Variants in AP2A2 observed in about 807,000 individuals in gnomAD.
The protein encoded by AP2A2 is adaptor related protein complex 2 subunit alpha 2, also known as AP-2 complex subunit alpha-2.
In AP2A2, 32 loss-of-function variants were observed where a neutral mutation model predicts 104.2. That is an observed-to-expected ratio of 0.31 (90% confidence interval 0.23 to 0.41). The LOEUF is 0.41. Ranked by LOEUF, AP2A2 falls within the 10% of genes least tolerant of loss-of-function variation. AP2A2 has a pLI of 1.00. For synonymous variants in AP2A2, 539 were observed against 533.3 expected (o/e 1.01, Z -0.15); for missense variants, 912 against 1,261.0 (o/e 0.72, Z 4.19).
chr11:983,117 AAGCGATTCTCCTACCTC>A (rs766738887), intron 6 of AP2A2, among the ~76,000 whole-genome samples: 83 of 142,446 alleles, frequency 5.8e-4, no homozygotes, highest in Non-Finnish European at 1.1e-3. Flanking sequence ...GCTTGTGTTC[AAGCGATTCTCCTACCTC>A]AGCCTCCCGA....
chr11:953,689 G>A (rs1036802002), intron 1 of AP2A2, among the ~76,000 whole-genome samples: 9 of 151,916 alleles, frequency 5.9e-5, no homozygotes, highest in Non-Finnish European at 8.8e-5. Flanking sequence ...CTTTTGCGTC[G>A]TCTCTGCTCA....
chr11:986,402 C>T (rs945123425), intron 8 of AP2A2, among the ~76,000 whole-genome samples: 7 of 152,372 alleles, frequency 4.6e-5, no homozygotes, highest in Non-Finnish European at 5.9e-5. Flanking sequence ...GCAGCAGCCG[C>T]GCTCCCGGCC....
At position 985,081 on chromosome 11, in the gene AP2A2, T is replaced by G. The variant is rs1445804087; in HGVS notation, c.814+328T>G. 2.0e-5 allele frequency among the ~76,000 whole-genome samples: 3 copies of G among 152,288 alleles called. No homozygotes were observed. The East Asian group carries it at 5.8e-4, about 29-fold the overall frequency. ...TCACTGCAACCTCTGCCTCCCGGGT[T>G]CAAGCGATTCTCCCACCTCATCTTC... is the stretch of plus-strand genomic sequence containing the variant. On this transcript the variant is annotated intron_variant, in intron 7 of 21. Coordinates refer to ENST00000448903, the MANE Select transcript of AP2A2 (RefSeq NM_012305.4).
At chr11:995,337 A>G (rs982888978) in intron 14 of AP2A2, 2 of 455,830 alleles carry the variant, frequency 4.4e-6, no homozygotes, top group East Asian at 6.9e-5. Context: ...GGTATTTGTC[A>G]GGTGAGAAGT....
intron 1 of AP2A2, among the ~76,000 whole-genome samples, chr11:936,710 C>CGTTGTG (rs1853470554): frequency 2.0e-5 from 3 of 152,154 alleles, no homozygotes; most frequent in Admixed American, 6.5e-5. Flanking sequence ...AGATGCTTGA[C>CGTTGTG]GTTGTGAATT....
At chr11:967,049 C>T (rs1232521056) in intron 2 of AP2A2, among the ~76,000 whole-genome samples, 4 of 152,018 alleles carry the variant, frequency 2.6e-5, no homozygotes, top group Admixed American at 6.6e-5. Context: ...TGCCTGTAAT[C>T]CCAGCTACTC....
intron 4 of AP2A2, among the ~76,000 whole-genome samples, chr11:972,880 T>G (rs1462342406): frequency 2.0e-5 from 3 of 152,268 alleles, no homozygotes; most frequent in Non-Finnish European, 4.4e-5. Flanking sequence ...TCGTGCCCGT[T>G]CCCCAGGGCT....
chr11:994,724 G>T (rs1445799764), intron 14 of AP2A2, among the ~76,000 whole-genome samples: 16 of 144,776 alleles, frequency 1.1e-4, no homozygotes, highest in Admixed American at 1.1e-3. Flanking sequence ...TGTCCCGGGG[G>T]CCACTGTCCC....
Position 992,346 on chromosome 11 carries a change from C to G in AP2A2, c.1270-157C>G, listed in dbSNP as rs1332646012. 3 of 753,164 alleles carry G rather than the reference C, an allele frequency of 4.0e-6. No homozygotes were observed. The highest frequency in any genetic ancestry group is 1.7e-5 in the South Asian group (1 of 58,040). The allele number at this position is 753,164 out of a possible 1,614,324, so 46.7% of individuals were successfully genotyped here. On this transcript the variant is annotated intron_variant, in intron 10 of 21. Coordinates refer to ENST00000448903, the MANE Select transcript of AP2A2 (RefSeq NM_012305.4). This position sits in a 1 kb window ranked among gnomAD's most constrained non-coding sequence, Gnocchi z 6.4. ...ATCTTAAACTTTCTGGGCTCGTGGG[C>G]TTTTTTGAGAATCGAGTTCAAGCTT...
chr11:1,007,928 C>A, intron 17 of AP2A2, 84 bp from the exon 18 acceptor site: 1 of 1,544,072 alleles, frequency 6.5e-7, no homozygotes. Flanking sequence ...TGCTCGCCTC[C>A]ACGGGTCCTG....
chr11:978,748 C>T (rs1260080960), intron 5 of AP2A2, among the ~76,000 whole-genome samples: 1 of 152,232 alleles, frequency 6.6e-6, no homozygotes, highest in East Asian at 1.9e-4. Flanking sequence ...CAGGAGCCCC[C>T]AAGAAAGGTG....
intron 1 of AP2A2, among the ~76,000 whole-genome samples, chr11:930,863 T>C (rs1226519113): frequency 6.6e-6 from 1 of 152,158 alleles, no homozygotes; most frequent in East Asian, 1.9e-4. Context: ...CTACAGGACA[T>C]ATTCAACACC....
intron 2 of AP2A2, among the ~76,000 whole-genome samples, chr11:966,210 A>G (rs1854612018): frequency 6.6e-6 from 1 of 152,208 alleles, no homozygotes; most frequent in South Asian, 2.1e-4. Context: ...TTTGCTAAAT[A>G]GGCCAGGCGC....
At chr11:986,117 G>A (rs1855447484) in intron 8 of AP2A2, among the ~76,000 whole-genome samples, 1 of 152,248 alleles carries the variant, frequency 6.6e-6, no homozygotes, top group Non-Finnish European at 1.5e-5. Flanking sequence ...GGTCTTGCGT[G>A]TGGGGCCATG....
At chr11:1,010,515 G>T (rs1327772145) in intron 21 of AP2A2, 33 bp from the exon 22 acceptor site, 2 of 1,546,268 alleles carry the variant, frequency 1.3e-6, no homozygotes, top group South Asian at 1.2e-5. Context: ...GAGCCTCGGC[G>T]TGCCCGTTGA....
Position 986,842 on chromosome 11 carries a change from C to A in AP2A2, c.1020C>A (p.Arg340=). 6.2e-7 allele frequency: 1 copy of A among 1,612,924 alleles called. No individual in the cohort carries two copies. The highest frequency in any genetic ancestry group is 2.2e-5 in the East Asian group (1 of 44,866). ...AGTTGGGCCAGTTTCTGCAGCACCG[C>A]GAGACCAACCTGCGCTACCTGGCCC... is the stretch of plus-strand genomic sequence containing the variant. ...CNQLGQFLQH[R]ETNLRYLALE... The change falls in exon 9 of 22, where the codon CGC becomes CGA. Residue 340 remains arginine, a synonymous_variant. Coordinates refer to ENST00000448903, the MANE Select transcript of AP2A2 (RefSeq NM_012305.4).
rs189863374 is a variant in AP2A2 at position 999,426 on chromosome 11, C to T, written c.1957-1006C>T. ...ACTTGGGAGGCTGAGGCAGGAGAAT[C>T]GCTTGAGGTGGAGGTTGCAGTGAGC... On this transcript the variant is annotated intron_variant, in intron 14 of 21. Transcript: ENST00000448903. Among the ~76,000 whole-genome samples, 97 of 152,230 alleles carry T rather than the reference C, an allele frequency of 6.4e-4. 2 individuals are homozygous for T. The East Asian group carries it at 0.013, about 20-fold the overall frequency.
chr11:999,327 C>G (rs1472215546), intron 14 of AP2A2, among the ~76,000 whole-genome samples: 1 of 152,162 alleles, frequency 6.6e-6, no homozygotes, highest in East Asian at 1.9e-4. Context: ...ACCTGGCCAA[C>G]ATGGTGAAAC....
chr11:1,010,203 C>G, intron 21 of AP2A2: 1 of 491,072 alleles, frequency 2.0e-6, no homozygotes, highest in South Asian at 3.2e-5. Flanking sequence ...ACGTCCCGTT[C>G]TGGCGACGGA....
Sources: allele counts gnomAD v4.1 joint callset (sites outside exome capture counted in the v4.1 genomes callset), GRCh38; gene constraint gnomAD v4.1.1; non-coding constraint Gnocchi (gnomAD v3.1); transcripts MANE v1.5; gene names NCBI Gene and HGNC (gene_info 2026-07-23, HGNC 2026-07-21).